The following TPTE2 variants were observed in gnomAD, a reference collection of about 807,000 sequenced individuals.
The protein encoded by TPTE2 is transmembrane phosphoinositide 3-phosphatase and tensin homolog 2.
In TPTE2, 53 loss-of-function variants were observed where a neutral mutation model predicts 78.6. That is an observed-to-expected ratio of 0.67 (90% CI 0.54 to 0.85). TPTE2 has a LOEUF of 0.85. TPTE2 is among the 40% of genes least tolerant of loss of function. The pLI, the probability that TPTE2 is intolerant of heterozygous loss-of-function variation, is 0.00. For synonymous variants in TPTE2, 175 were observed against 206.2 expected (o/e 0.85, Z 1.30); for missense variants, 461 against 623.0 (o/e 0.74, Z 2.77).
intron 10 of TPTE2, chr13:19,458,759 C>T (rs999237927): frequency 3.9e-5 from 16 of 406,786 alleles, no homozygotes; most frequent in African/African-American, 1.4e-4. Context: ...CAAAGATTCC[C>T]GCTCAGAAGC....
intron 17 of TPTE2, among the ~76,000 whole-genome samples, chr13:19,429,380 A>G (rs1876383608): frequency 6.6e-6 from 1 of 152,250 alleles, no homozygotes; most frequent in African/African-American, 2.4e-5. Context: ...TAGGGGGCTG[A>G]GGCAAAGAGA....
intron 6 of TPTE2, among the ~76,000 whole-genome samples, chr13:19,472,762 T>G (rs1332177261): frequency 6.6e-6 from 1 of 152,202 alleles, no homozygotes; most frequent in Non-Finnish European, 1.5e-5. Flanking sequence ...GTTAGGTATT[T>G]ATTGTAGTTT....
chr13:19,498,975 C>CA (rs1352189756), intron 1 of TPTE2, among the ~76,000 whole-genome samples: 1 of 151,190 alleles, frequency 6.6e-6, no homozygotes, highest in Admixed American at 6.6e-5. Context: ...AAATGGAAAA[C>CA]AAAAAAAGGC....
chr13:19,499,819 T>G (rs1881646623), intron 1 of TPTE2, among the ~76,000 whole-genome samples: 1 of 150,048 alleles, frequency 6.7e-6, no homozygotes, highest in Non-Finnish European at 1.5e-5. Context: ...CTGAAGGAAA[T>G]AGAGACACAA....
intron 11 of TPTE2, 35 bp downstream of exon 14, chr13:19,451,130 A>T: frequency 5.0e-6 from 8 of 1,608,146 alleles, no homozygotes; most frequent in Non-Finnish European, 6.8e-6. Flanking sequence ...TCTGTTTTCT[A>T]CCTACAGTAG....
chr13:19,558,416 A>C, the TPTE2 span, among the ~76,000 whole-genome samples: 2 of 152,326 alleles, frequency 1.3e-5, no homozygotes, highest in Non-Finnish European at 2.9e-5. Context: ...TAATTTTGGT[A>C]AACTACTACA....
chr13:19,501,951 G>GAA (rs1868592612), intron 1 of TPTE2, among the ~76,000 whole-genome samples: 1 of 149,814 alleles, frequency 6.7e-6, no homozygotes, highest in South Asian at 2.1e-4. Flanking sequence ...AAATTTACAA[G>GAA]AAAAAAATAA....
At chr13:19,482,874 T>C (rs1387419560) in intron 3 of TPTE2, among the ~76,000 whole-genome samples, 1 of 151,594 alleles carries the variant, frequency 6.6e-6, no homozygotes, top group East Asian at 1.9e-4. Context: ...GGTATAGACA[T>C]ATATCAAAGA....
intron 1 of TPTE2, among the ~76,000 whole-genome samples, chr13:19,511,025 A>G (rs1869398491): frequency 6.6e-6 from 1 of 152,228 alleles, no homozygotes; most frequent in Admixed American, 6.5e-5. Flanking sequence ...GATGAGATGC[A>G]GACTGGTGTA....
chr13:19,504,207 T>C (rs1392310244), upstream of TPTE2, among the ~76,000 whole-genome samples: 3 of 152,160 alleles, frequency 2.0e-5, no homozygotes, highest in Non-Finnish European at 4.4e-5. Flanking sequence ...TCACAAGCGA[T>C]GTTTAGTTCT....
In TPTE2 at chr13:19,453,011, TG is replaced by T. The variant is rs1442964528; in HGVS notation, c.742-1787del. Among the ~76,000 whole-genome samples, 85 of 69,340 alleles carry T rather than the reference TG, an allele frequency of 1.2e-3. 1 individual carries two copies. Among genetic ancestry groups the T allele is most frequent in the African/African-American group, 4.8e-3 (49 of 10,256 alleles). 45.5% of individuals were successfully genotyped at this position (69,340 alleles called of 152,430 possible). On this transcript the variant is annotated intron_variant, in intron 10 of 19. Transcript: ENST00000400230. ...ATTTATTTTATTTTATTTTATTTTA[TG>T]TTATTTTATGTTATTTTATTTTATT...
intron 3 of TPTE2, 60 bp downstream of exon 6, chr13:19,492,790 T>C: frequency 6.2e-7 from 1 of 1,601,124 alleles, no homozygotes. Context: ...ATGTGCTTGG[T>C]GTGTGTACAG....
At chr13:19,449,288 C>T (rs1878032510) in intron 13 of TPTE2, among the ~76,000 whole-genome samples, 1 of 152,098 alleles carries the variant, frequency 6.6e-6, no homozygotes, top group Non-Finnish European at 1.5e-5. Flanking sequence ...ATTCTTCTGC[C>T]TCAGCCTCCC....
rs566836717 is a variant in TPTE2 at position 19,479,791 on chromosome 13, A to G, written c.179+2697T>C. Among the ~76,000 whole-genome samples the G allele has an allele frequency of 2.2e-4, 33 of 151,906 alleles. 1 individual carries two copies. The highest frequency in any genetic ancestry group is 4.1e-4 in the Non-Finnish European group (28 of 67,948). On this transcript the variant is annotated intron_variant, in intron 4 of 19. Transcript: ENST00000400230. The stretch of plus-strand genomic sequence containing the variant: ...ATCCTGGCCAACATGGTGAAACTCC[A>G]TCTCTACTAAAAATACAAAAAATTA...
intron 1 of TPTE2, among the ~76,000 whole-genome samples, chr13:19,497,242 C>G (rs1359961778): frequency 2.8e-5 from 4 of 145,352 alleles, no homozygotes; most frequent in East Asian, 2.1e-4. Flanking sequence ...CGACATTGCC[C>G]AGGCTTGATT....
At chr13:19,433,377 A>G (rs1383316437) in intron 15 of TPTE2, among the ~76,000 whole-genome samples, 5 of 152,086 alleles carry the variant, frequency 3.3e-5, no homozygotes, top group Admixed American at 3.3e-4. Context: ...AGTGATGGGC[A>G]CCTATAATCC....
intron 5 of TPTE2, among the ~76,000 whole-genome samples, chr13:19,475,245 A>C (rs1366884029): frequency 6.9e-6 from 1 of 145,352 alleles, no homozygotes; most frequent in South Asian, 2.2e-4. Context: ...TTTTTTTTTT[A>C]CATGGAGTCT....
At position 19,471,589 on chromosome 13, in the gene TPTE2, T is replaced by C. The variant is rs144942383; in HGVS notation, c.392+2325A>G. Reference sequence around the variant, plus strand: ...AACTTAAATTTGTCTCGCTATTATTTAACTTTTTGTTATTTCTATTTATAT... The same window carrying C: ...AACTTAAATTTGTCTCGCTATTATTCAACTTTTTGTTATTTCTATTTATAT... On this transcript the variant is annotated intron_variant, in intron 6 of 19. Transcript: ENST00000400230. Among the ~76,000 whole-genome samples the C allele has an allele frequency of 7.9e-5, 12 of 151,818 alleles. No individual in the cohort carries two copies. In the East Asian group the frequency reaches 2.3e-3, roughly 29 times the overall value.
intron 13 of TPTE2, among the ~76,000 whole-genome samples, chr13:19,439,181 G>GCCC (rs1877324164): frequency 6.6e-6 from 1 of 152,112 alleles, no homozygotes; most frequent in African/African-American, 2.4e-5. Context: ...CAGGAAATCA[G>GCCC]CCCTTTGCCT....
Sources: allele counts gnomAD v4.1 joint callset (sites outside exome capture counted in the v4.1 genomes callset), GRCh38; gene constraint gnomAD v4.1.1; transcripts MANE v1.5; gene names NCBI Gene and HGNC (gene_info 2026-07-23, HGNC 2026-07-21).